The following GRM3 variants were observed in gnomAD, a reference collection of about 807,000 sequenced individuals.
GRM3 encodes glutamate metabotropic receptor 3.
A neutral mutation model predicts 70.5 loss-of-function variants in GRM3; 26 were observed. The observed-to-expected ratio is 0.37, with a 90% CI of 0.27 to 0.51. The LOEUF is 0.51. GRM3 is among the 20% of genes least tolerant of loss of function. The pLI is 0.93. For synonymous variants in GRM3, 443 were observed against 434.9 expected (o/e 1.02, Z -0.23); for missense variants, 859 against 1,123.8 (o/e 0.76, Z 3.37).
At chr7:86,702,155 A>T (rs949914239) in intron 1 of GRM3, among the ~76,000 whole-genome samples, 1 of 152,098 alleles carries the variant, frequency 6.6e-6, no homozygotes, top group Non-Finnish European at 1.5e-5. Context: ...TAAACAGAAG[A>T]TACTAAGCTT....
At chr7:86,660,948 T>C (rs1793876867) in intron 1 of GRM3, among the ~76,000 whole-genome samples, 1 of 151,972 alleles carries the variant, frequency 6.6e-6, no homozygotes, top group Non-Finnish European at 1.5e-5. Flanking sequence ...AGCTAGACAC[T>C]GAGTATAGAA....
intron 1 of GRM3, among the ~76,000 whole-genome samples, chr7:86,716,754 AATTTACATAAGATTATAAGAAAAACT>A (rs1795327116): frequency 6.6e-6 from 1 of 151,906 alleles, no homozygotes; most frequent in African/African-American, 2.4e-5. Context: ...TGAGGCTTAT[AATTTACATAAGATTATAAGAAAAACT>A]ATTTCCCTTG....
chr7:86,703,998 C>T (rs1795001596), intron 1 of GRM3, among the ~76,000 whole-genome samples: 1 of 151,866 alleles, frequency 6.6e-6, no homozygotes, highest in Admixed American at 6.6e-5. Context: ...GTTGTTTAAT[C>T]CCATTATTTT....
chr7:86,679,649 C>T lies in GRM3; in HGVS notation c.-141+34777C>T, dbSNP rs545987839. 2.9e-4 allele frequency among the ~76,000 whole-genome samples: 44 copies of T among 152,042 alleles called. No homozygotes were observed. The South Asian group carries it at 5.8e-3, about 20-fold the overall frequency. Reference sequence around the variant, plus strand: ...GGAGTATCTTCATTGGCATCTGCCGCCCACAACCCATTCCTGTCCTCATTC... The same window carrying T: ...GGAGTATCTTCATTGGCATCTGCCGTCCACAACCCATTCCTGTCCTCATTC... On this transcript the variant is annotated intron_variant, in intron 1 of 5. Coordinates refer to ENST00000361669, the MANE Select transcript of GRM3 (RefSeq NM_000840.3).
At chr7:86,701,737 T>A (rs1315855314) in intron 1 of GRM3, among the ~76,000 whole-genome samples, 1 of 151,984 alleles carries the variant, frequency 6.6e-6, no homozygotes, top group Non-Finnish European at 1.5e-5. Flanking sequence ...CTATAAATAT[T>A]TCATAATTTC....
In GRM3 at chr7:86,762,958, G is replaced by A. The variant is rs150619906; in HGVS notation, c.-140-2048G>A. 1.8e-3 allele frequency among the ~76,000 whole-genome samples: 274 copies of A among 152,108 alleles called. 1 individual carries two copies. Among genetic ancestry groups the A allele is most frequent in the Middle Eastern group, 3.4e-3 (1 of 294 alleles). ...GCAGTAGGACTTTAGAGCTAGCCAG[G>A]GACAAGATCATAAAGCACTGAGAAG... On this transcript the variant is annotated intron_variant, in intron 1 of 5. Coordinates refer to ENST00000361669, the MANE Select transcript of GRM3 (RefSeq NM_000840.3).
At chr7:86,767,086 C>T (rs780977746) in intron 2 of GRM3, among the ~76,000 whole-genome samples, 1 of 152,008 alleles carries the variant, frequency 6.6e-6, no homozygotes, top group South Asian at 2.1e-4. Context: ...GTGGGACACA[C>T]CTGTGTTCCC....
intron 1 of GRM3, among the ~76,000 whole-genome samples, chr7:86,697,521 C>T (rs148092342): frequency 6.6e-6 from 1 of 152,112 alleles, no homozygotes; most frequent in African/African-American, 2.4e-5. Context: ...ACAGAGAAGA[C>T]ATTTTTTCTG....
intron 1 of GRM3, among the ~76,000 whole-genome samples, chr7:86,730,932 C>G (rs1247019757): frequency 6.6e-6 from 1 of 152,178 alleles, no homozygotes; most frequent in Non-Finnish European, 1.5e-5. Context: ...TGACAAACCT[C>G]CTTCTATGAC....
intron 1 of GRM3, among the ~76,000 whole-genome samples, chr7:86,645,430 T>G (rs1793434380): frequency 6.6e-6 from 1 of 152,162 alleles, no homozygotes; most frequent in Non-Finnish European, 1.5e-5. Context: ...TGCCCTTTGC[T>G]CCTTTTGGCT....
intron 1 of GRM3, among the ~76,000 whole-genome samples, chr7:86,715,114 C>T (rs1322752411): frequency 1.3e-5 from 2 of 151,994 alleles, no homozygotes; most frequent in Non-Finnish European, 2.9e-5. Flanking sequence ...AGCATATCTC[C>T]ACCTTCTGGC....
At chr7:86,816,841 C>T (rs1798026389) in intron 3 of GRM3, among the ~76,000 whole-genome samples, 3 of 151,808 alleles carry the variant, frequency 2.0e-5, no homozygotes, top group Non-Finnish European at 2.9e-5. Context: ...ATTTACGAGT[C>T]TGTATTTGAA....
chr7:86,788,425 T>A (rs977283963), intron 3 of GRM3, among the ~76,000 whole-genome samples: 9 of 152,210 alleles, frequency 5.9e-5, no homozygotes, highest in Non-Finnish European at 1.3e-4. Flanking sequence ...GGGCCGAAAG[T>A]AGTCAAAATC....
chr7:86,644,821 G>A lies in GRM3; in HGVS notation c.-192G>A. The A allele has an allele frequency of 7.8e-7, 1 of 1,289,740 alleles. No individual in the cohort carries two copies. The highest frequency in any genetic ancestry group is 1.0e-6 in the Non-Finnish European group (1 of 988,822). The allele number at this position is 1,289,740 out of a possible 1,614,324, so 79.9% of individuals were successfully genotyped here. On this transcript the variant is annotated 5_prime_UTR_variant, in exon 1 of 6. Transcript: ENST00000361669. ...AGAGCCCGGGTGCAGGCTCACCGCC[G>A]CCGCTGCCACCGCGGTCAGCTCCAG...
At chr7:86,845,911 G>C (rs1404903041) in intron 4 of GRM3, among the ~76,000 whole-genome samples, 1 of 152,132 alleles carries the variant, frequency 6.6e-6, no homozygotes, top group Non-Finnish European at 1.5e-5. Flanking sequence ...TTTCTGGCTG[G>C]AACTCATGGC....
chr7:86,793,510 G>A (rs1381164621), intron 3 of GRM3, among the ~76,000 whole-genome samples: 1 of 152,176 alleles, frequency 6.6e-6, no homozygotes, highest in Non-Finnish European at 1.5e-5. Flanking sequence ...CAGCTCTGCT[G>A]ATCAAAAGCA....
chr7:86,815,178 A>G (rs1235082687), intron 3 of GRM3, among the ~76,000 whole-genome samples: 2 of 151,724 alleles, frequency 1.3e-5, no homozygotes, highest in Non-Finnish European at 2.9e-5. Context: ...GAAAAAGAAC[A>G]ATTTGCGTCA....
intron 1 of GRM3, among the ~76,000 whole-genome samples, chr7:86,715,096 A>C (rs1795284090): frequency 6.6e-6 from 1 of 151,986 alleles, no homozygotes; most frequent in South Asian, 2.1e-4. Flanking sequence ...TTAGAACAGA[A>C]GGTCTCAAGC....
At chr7:86,852,136 C>T (rs950768765) in intron 5 of GRM3, among the ~76,000 whole-genome samples, 1 of 152,154 alleles carries the variant, frequency 6.6e-6, no homozygotes, top group African/African-American at 2.4e-5. Context: ...GCCAGTGCAC[C>T]TAACTACTGT....
Sources: allele counts gnomAD v4.1 joint callset (sites outside exome capture counted in the v4.1 genomes callset), GRCh38; gene constraint gnomAD v4.1.1; transcripts MANE v1.5; gene names NCBI Gene and HGNC (gene_info 2026-07-23, HGNC 2026-07-21).